The following SDK1 variants were observed in gnomAD, a reference collection of about 807,000 sequenced individuals.
SDK1 encodes sidekick cell adhesion molecule 1, also known as protein sidekick-1.
In SDK1, 157 loss-of-function variants were observed where a neutral mutation model predicts 245.5. The ratio of observed to expected loss-of-function variants is 0.64; its 90% CI spans 0.56 to 0.73. The LOEUF (loss-of-function observed/expected upper bound fraction) is 0.73, where lower values mean the gene tolerates loss of function less well. SDK1 is among the 30% of genes least tolerant of loss of function. The pLI is 0.00. For synonymous variants in SDK1, 1,647 were observed against 1,278.5 expected, an observed-to-expected ratio of 1.29 and a Z score of -6.15; for missense variants, 3,583 against 3,002.3, an observed-to-expected ratio of 1.19 and a Z score of -4.52.
chr7:3,494,217 T>G (rs1781952319), intron 1 of SDK1, among the ~76,000 whole-genome samples: 1 of 152,188 alleles, frequency 6.6e-6, no homozygotes, highest in Non-Finnish European at 1.5e-5. Context: ...GAGCTTTTAT[T>G]TTGAGTCAGT....
chr7:3,623,638 T>A (rs886106449), intron 2 of SDK1, among the ~76,000 whole-genome samples: 4 of 152,160 alleles, frequency 2.6e-5, no homozygotes, highest in African/African-American at 9.7e-5. Flanking sequence ...TAAACTAAGT[T>A]TGCATAGATA....
intron 1 of SDK1, among the ~76,000 whole-genome samples, chr7:3,580,777 G>C (rs1369635257): frequency 2.0e-5 from 3 of 151,808 alleles, no homozygotes; most frequent in African/African-American, 7.3e-5. Flanking sequence ...GACGATCCTG[G>C]CTAACACCGT....
chr7:3,697,307 C>A (rs1042780097), intron 4 of SDK1, among the ~76,000 whole-genome samples: 1 of 152,148 alleles, frequency 6.6e-6, no homozygotes, highest in African/African-American at 2.4e-5. Flanking sequence ...CCCTTTCTTT[C>A]CCGCTGCAAT....
intron 1 of SDK1, among the ~76,000 whole-genome samples, chr7:3,447,699 C>CTTTTTTTTTTTTTTTTTTT (rs56137514): frequency 1.1e-5 from 1 of 89,554 alleles, no homozygotes; most frequent in Non-Finnish European, 2.1e-5. Context: ...GCTTATATAT[C>CTTTTTTTTTTTTTTTTTTT]TTTTTTTTTT....
At chr7:3,312,239 A>G (rs545102247) in intron 1 of SDK1, among the ~76,000 whole-genome samples, 17 of 152,322 alleles carry the variant, frequency 1.1e-4, no homozygotes, top group African/African-American at 3.8e-4. Flanking sequence ...AACTATGGAA[A>G]TGAATAGAGC....
chr7:4,133,792 C>T (rs188887502), intron 28 of SDK1, among the ~76,000 whole-genome samples: 1 of 152,302 alleles, frequency 6.6e-6, no homozygotes, highest in Non-Finnish European at 1.5e-5. Flanking sequence ...ATTGCCCCAG[C>T]CCCAGGTTAG....
intron 4 of SDK1, among the ~76,000 whole-genome samples, chr7:3,746,208 G>A (rs1583368298): frequency 6.6e-6 from 1 of 152,112 alleles, no homozygotes; most frequent in African/African-American, 2.4e-5. Flanking sequence ...TATTAAGTGT[G>A]CAATAGCATT....
intron 4 of SDK1, among the ~76,000 whole-genome samples, chr7:3,684,337 A>G (rs1406247183): frequency 6.6e-6 from 1 of 152,210 alleles, no homozygotes. Flanking sequence ...AATGGGAGTC[A>G]GCCTCCCCTC....
intron 5 of SDK1, among the ~76,000 whole-genome samples, chr7:3,920,748 A>G (rs1220314801): frequency 6.7e-6 from 1 of 149,734 alleles, no homozygotes; most frequent in Non-Finnish European, 1.5e-5. Context: ...AAGGGAGACT[A>G]TGCAGAGGGG....
intron 28 of SDK1, among the ~76,000 whole-genome samples, chr7:4,136,510 A>C (rs1779102985): frequency 1.3e-5 from 2 of 152,328 alleles, no homozygotes; most frequent in African/African-American, 4.8e-5. Context: ...AACAGCGTGA[A>C]CCACAGCAGG....
At chr7:3,536,389 A>C (rs1583137772) in intron 1 of SDK1, among the ~76,000 whole-genome samples, 2 of 152,068 alleles carry the variant, frequency 1.3e-5, no homozygotes, top group Admixed American at 1.3e-4. Context: ...TTTTTTAAAA[A>C]ATCTATGCAT....
chr7:3,814,811 C>T (rs937723341), intron 4 of SDK1, among the ~76,000 whole-genome samples: 1 of 150,408 alleles, frequency 6.6e-6, no homozygotes, highest in Admixed American at 6.6e-5. Context: ...TGTAGTTCTC[C>T]TTGAAGAGGT....
At position 4,114,012 on chromosome 7, in the gene SDK1, A is replaced by G. The variant is rs766970951; in HGVS notation, c.3586-25A>G. 3 of 1,600,286 alleles carry G rather than the reference A, an allele frequency of 1.9e-6. No individual in the cohort carries two copies. In the East Asian group the frequency reaches 6.7e-5, roughly 36 times the overall value. On this transcript the variant is annotated intron_variant, in intron 24 of 44. Coordinates refer to ENST00000404826, the MANE Select transcript of SDK1 (RefSeq NM_152744.4). ...GGTGGCAGTTCTGAGATGTCAGCTC[A>G]TCGCGACTCCTCGTTCCTTCCTAGC...
chr7:3,777,757 C>A (rs577609698), intron 4 of SDK1, among the ~76,000 whole-genome samples: 1 of 152,246 alleles, frequency 6.6e-6, no homozygotes, highest in East Asian at 1.9e-4. Context: ...AAGCTTAAAA[C>A]TTCCCATGCC....
chr7:3,429,108 G>C (rs1779758732), intron 1 of SDK1, among the ~76,000 whole-genome samples: 1 of 152,144 alleles, frequency 6.6e-6, no homozygotes, highest in South Asian at 2.1e-4. Flanking sequence ...ATACAATCCA[G>C]CTTCTGCAAT....
intron 5 of SDK1, among the ~76,000 whole-genome samples, chr7:3,887,035 A>C (rs141581239): frequency 4.0e-4 from 61 of 152,292 alleles, no homozygotes; most frequent in Non-Finnish European, 8.2e-4. Context: ...ATATATTTTT[A>C]ATTCAGACTT....
intron 1 of SDK1, among the ~76,000 whole-genome samples, chr7:3,463,570 C>T (rs189109394): frequency 7.2e-6 from 1 of 138,906 alleles, no homozygotes; most frequent in East Asian, 1.9e-4. Context: ...ATCATTTAGC[C>T]ATGGGATCAT....
intron 32 of SDK1, among the ~76,000 whole-genome samples, chr7:4,171,606 G>A (rs1353255000): frequency 2.6e-5 from 4 of 152,258 alleles, no homozygotes; most frequent in Admixed American, 6.5e-5. Flanking sequence ...CAGGGCCAGA[G>A]TAGAGAGGCT....
At position 3,895,169 on chromosome 7, in the gene SDK1, T is replaced by A. The variant is rs145750073; in HGVS notation, c.848-55754T>A. On this transcript the variant is annotated intron_variant, in intron 5 of 44. Coordinates refer to ENST00000404826, the MANE Select transcript of SDK1 (RefSeq NM_152744.4). ...TGCAGTTCAAGAAAGAAATCATAAG[T>A]AGTAATTAAGGGGCTTGGTACCCAT... 2.6e-4 allele frequency among the ~76,000 whole-genome samples: 39 copies of A among 152,300 alleles called. No individual in the cohort carries two copies. The East Asian group carries it at 6.9e-3, about 27-fold the overall frequency.
Sources: allele counts gnomAD v4.1 joint callset (sites outside exome capture counted in the v4.1 genomes callset), GRCh38; gene constraint gnomAD v4.1.1; transcripts MANE v1.5; gene names NCBI Gene and HGNC (gene_info 2026-07-23, HGNC 2026-07-21).